The following RGS7 variants were observed in gnomAD, a reference collection of about 807,000 sequenced individuals.
The protein encoded by RGS7 is regulator of G protein signaling 7, also known as regulator of G-protein signaling 7.
RGS7 carries 27 observed loss-of-function variants against 81.1 expected under a neutral mutation model. The ratio of observed to expected loss-of-function variants is 0.33; its 90% CI spans 0.25 to 0.46. The LOEUF is 0.46. RGS7 is among the 20% of genes least tolerant of loss of function. The pLI, the probability that RGS7 is intolerant of heterozygous loss-of-function variation, is 1.00. For synonymous variants in RGS7, 208 were observed against 207.7 expected (o/e 1.00, Z -0.01); for missense variants, 396 against 607.4 (o/e 0.65, Z 3.66).
At chr1:241,071,194 A>G (rs2062418595) in intron 3 of RGS7, among the ~76,000 whole-genome samples, 1 of 152,122 alleles carries the variant, frequency 6.6e-6, no homozygotes. Context: ...AACTGATTAC[A>G]TTTTAGGTAA....
intron 3 of RGS7, among the ~76,000 whole-genome samples, chr1:240,990,415 T>A (rs1416353876): frequency 6.6e-6 from 1 of 152,224 alleles, no homozygotes; most frequent in East Asian, 1.9e-4. Context: ...GAACTTATTA[T>A]AGTCCCGTAA....
intron 2 of RGS7, among the ~76,000 whole-genome samples, chr1:241,140,152 A>G (rs1375409128): frequency 6.6e-6 from 1 of 152,212 alleles, no homozygotes. Context: ...AGGCAGGTAG[A>G]GAGCAACATT....
intron 2 of RGS7, among the ~76,000 whole-genome samples, chr1:241,272,859 C>T (rs1207992894): frequency 1.3e-5 from 2 of 152,294 alleles, no homozygotes; most frequent in Middle Eastern, 6.8e-3. Flanking sequence ...AAAAATTCTC[C>T]ATTTCTGATA....
At chr1:241,225,546 A>C (rs1343896300) in intron 2 of RGS7, among the ~76,000 whole-genome samples, 1 of 152,188 alleles carries the variant, frequency 6.6e-6, no homozygotes, top group Non-Finnish European at 1.5e-5. Context: ...CATCACAAAT[A>C]CTGGCTGGAT....
chr1:241,115,436 C>A (rs764957508), intron 2 of RGS7, among the ~76,000 whole-genome samples: 4 of 152,182 alleles, frequency 2.6e-5, no homozygotes, highest in Non-Finnish European at 5.9e-5. Flanking sequence ...TGATTTCTTT[C>A]AGGAGGCATT....
At chr1:241,112,948 C>T (rs1306819676) in intron 2 of RGS7, among the ~76,000 whole-genome samples, 1 of 152,138 alleles carries the variant, frequency 6.6e-6, no homozygotes, top group African/African-American at 2.4e-5. Context: ...GAAAAAACAC[C>T]TCCTTCTGGC....
chr1:240,882,099 G>C (rs1378204797), intron 6 of RGS7, among the ~76,000 whole-genome samples: 1 of 152,062 alleles, frequency 6.6e-6, no homozygotes, highest in Admixed American at 6.6e-5. Flanking sequence ...GTTTTTAGTA[G>C]AGATAGGGTT....
chr1:240,921,051 C>A (rs12026970), intron 6 of RGS7, among the ~76,000 whole-genome samples: 1 of 151,820 alleles, frequency 6.6e-6, no homozygotes, highest in Non-Finnish European at 1.5e-5. Context: ...ATGCCAGGTT[C>A]TATTTGGAAT....
chr1:240,781,032 T>C (rs1166444282), intron 18 of RGS7, among the ~76,000 whole-genome samples: 1 of 144,722 alleles, frequency 6.9e-6, no homozygotes, highest in Non-Finnish European at 1.5e-5. Flanking sequence ...TATCAATTTA[T>C]AAAAAAAAAA....
intron 2 of RGS7, among the ~76,000 whole-genome samples, chr1:241,319,232 C>G (rs1558311970): frequency 6.6e-6 from 1 of 152,060 alleles, no homozygotes; most frequent in African/African-American, 2.4e-5. Flanking sequence ...TACTCCCTTT[C>G]TACAATAAAA....
intron 6 of RGS7, among the ~76,000 whole-genome samples, chr1:240,870,595 A>G (rs1326270730): frequency 6.6e-6 from 1 of 152,066 alleles, no homozygotes; most frequent in African/African-American, 2.4e-5. Context: ...TGATCCTTCC[A>G]CCTCGGCCTC....
Position 240,999,638 on chromosome 1 carries a change from T to C in RGS7, c.176-16509A>G, listed in dbSNP as rs961811080. Among the ~76,000 whole-genome samples, 5 of 152,334 alleles carry C rather than the reference T, an allele frequency of 3.3e-5. No homozygotes were observed. The South Asian group carries it at 1.0e-3, about 32-fold the overall frequency. On this transcript the variant is annotated intron_variant, in intron 3 of 18. Coordinates refer to ENST00000440928, the MANE Select transcript of RGS7 (RefSeq NM_001364886.1). ...GTTGTTAATACAGCGTCTCACTCTG[T>C]CACCCAGGCTGGAGTGCAGTGGTGT...
In RGS7 at chr1:241,024,966, A is replaced by G. The variant is rs569651605; in HGVS notation, c.176-41837T>C. On this transcript the variant is annotated intron_variant, in intron 3 of 18. Transcript: ENST00000440928. ...ATTCTTATTGAGAGCTACTAATTTT[A>G]GAAACTTTCAAGTACCGTAATAGCT... 3.4e-3 allele frequency among the ~76,000 whole-genome samples: 514 copies of G among 152,348 alleles called. 3 individuals carry two copies. The highest frequency in any genetic ancestry group is 5.5e-3 in the Non-Finnish European group (372 of 68,032).
chr1:241,127,744 A>C (rs2066773004), intron 2 of RGS7, among the ~76,000 whole-genome samples: 1 of 152,226 alleles, frequency 6.6e-6, no homozygotes, highest in Non-Finnish European at 1.5e-5. Flanking sequence ...ATTGAAATTA[A>C]TAGAAGTAAA....
chr1:241,212,125 GTTAA>G (rs1427031840), intron 2 of RGS7, among the ~76,000 whole-genome samples: 3 of 151,550 alleles, frequency 2.0e-5, no homozygotes, highest in South Asian at 2.1e-4. Flanking sequence ...ATAAATAATA[GTTAA>G]TTATTACATG....
intron 2 of RGS7, among the ~76,000 whole-genome samples, chr1:241,145,466 TC>T (rs988335237): frequency 2.2e-4 from 33 of 152,280 alleles, no homozygotes; most frequent in African/African-American, 7.5e-4. Context: ...AAAGGTTGGA[TC>T]CGATAACTTT....
intron 2 of RGS7, among the ~76,000 whole-genome samples, chr1:241,230,318 A>G (rs2075579641): frequency 1.3e-5 from 2 of 152,048 alleles, no homozygotes. Flanking sequence ...GGTTCAAGTG[A>G]TTCTTGTGCC....
At chr1:241,317,484 C>G (rs537485684) in intron 2 of RGS7, among the ~76,000 whole-genome samples, 2 of 152,188 alleles carry the variant, frequency 1.3e-5, no homozygotes, top group African/African-American at 4.8e-5. Flanking sequence ...TTCTGCATTC[C>G]TCTTTTCTTA....
intron 4 of RGS7, among the ~76,000 whole-genome samples, chr1:240,941,868 C>T (rs999232281): frequency 4.0e-5 from 6 of 150,826 alleles, no homozygotes; most frequent in South Asian, 4.2e-4. Flanking sequence ...CTCCCAATAA[C>T]GGCACACCAG....
Sources: gnomAD v4.1 joint callset for allele counts (sites outside exome capture counted in the v4.1 genomes callset) on GRCh38, gnomAD v4.1.1 for gene constraint, MANE v1.5 for transcripts, NCBI Gene and HGNC (gene_info 2026-07-23, HGNC 2026-07-21) for gene names.